The following IQGAP3 variants were observed in gnomAD, a reference collection of about 807,000 sequenced individuals.
The protein encoded by IQGAP3 is ras GTPase-activating-like protein IQGAP3.
IQGAP3 carries 165 observed loss-of-function variants against 208.2 expected under a neutral mutation model. The observed-to-expected ratio is 0.79, with a 90% CI of 0.70 to 0.90. The LOEUF (loss-of-function observed/expected upper bound fraction) is 0.90. IQGAP3 is among the 40% of genes least tolerant of loss of function. The pLI, the probability that IQGAP3 is intolerant of heterozygous loss-of-function variation, is 0.00. For synonymous variants in IQGAP3, 703 were observed against 803.6 expected (o/e 0.87, Z 2.12); for missense variants, 1,811 against 2,043.1 (o/e 0.89, Z 2.19).
At chr1:156,529,479 T>G (rs1323030197) in intron 34 of IQGAP3, among the ~76,000 whole-genome samples, 1 of 152,006 alleles carries the variant, frequency 6.6e-6, no homozygotes, top group African/African-American at 2.4e-5. Flanking sequence ...CCTCTCTAAC[T>G]AATTTCAAGA....
At chr1:156,569,322 T>A (rs1195162253) in intron 2 of IQGAP3, 54 bp downstream of exon 2, 1 of 1,154,664 alleles carries the variant, frequency 8.7e-7, no homozygotes, top group Non-Finnish European at 1.3e-6. Flanking sequence ...ATGCCTAGGG[T>A]GGGGTGGTAG....
chr1:156,556,933 T>TGTAA (rs770984633), intron 11 of IQGAP3, among the ~76,000 whole-genome samples: 1 of 44,986 alleles, frequency 2.2e-5, no homozygotes, highest in African/African-American at 5.5e-5. Flanking sequence ...TAGCTCAGCC[T>TGTAA]CTGCCCCGCC....
chr1:156,539,264 T>A, intron 25 of IQGAP3, 110 bp downstream of exon 25: 1 of 1,083,048 alleles, frequency 9.2e-7, no homozygotes, highest in Non-Finnish European at 1.3e-6. Flanking sequence ...AGAGGTCTTC[T>A]GATTCCATTT....
intron 32 of IQGAP3, 106 bp from the exon 33 acceptor site, chr1:156,531,353 G>T: frequency 1.2e-6 from 1 of 817,766 alleles, no homozygotes; most frequent in Non-Finnish European, 2.1e-6. Flanking sequence ...TCTATAGCAT[G>T]GCTGCTAGGA....
At chr1:156,529,916 C>CAAAAAAAA (rs57536386) in intron 34 of IQGAP3, among the ~76,000 whole-genome samples, 189 bp downstream of exon 34, 14,562 of 67,740 alleles carry the variant, frequency 0.21, 1,772 homozygotes, top group East Asian at 0.41. Flanking sequence ...GAGACTGTCT[C>CAAAAAAAA]AAAAAAAAAA....
chr1:156,570,430 A>C (rs559388187), intron 1 of IQGAP3, among the ~76,000 whole-genome samples: 2 of 152,248 alleles, frequency 1.3e-5, no homozygotes, highest in East Asian at 3.9e-4. Context: ...ACTCCCAGCT[A>C]CTGGGCCTAG....
intron 27 of IQGAP3, 79 bp from the exon 28 acceptor site, chr1:156,535,326 G>GGGGAGAAGAGACAGCCAGGCA: frequency 9.9e-7 from 1 of 1,009,452 alleles, no homozygotes; most frequent in Non-Finnish European, 1.5e-6. Flanking sequence ...TGAGTGCCTG[G>GGGGAGAAGAGACAGCCAGGCA]CTGTCTCTTC....
chr1:156,541,379 C>T (rs999086845), intron 22 of IQGAP3, among the ~76,000 whole-genome samples: 4 of 152,054 alleles, frequency 2.6e-5, no homozygotes, highest in African/African-American at 9.6e-5. Context: ...CTGTACACAC[C>T]GGGAAGGACA....
chr1:156,528,135 C>A, intron 36 of IQGAP3, 75 bp from the exon 37 acceptor site: 1 of 1,114,096 alleles, frequency 9.0e-7, no homozygotes, highest in South Asian at 1.3e-5. Context: ...GCACCCACTG[C>A]TCCTCATCCT....
chr1:156,570,999 G>A (rs1676622912), intron 1 of IQGAP3, among the ~76,000 whole-genome samples: 1 of 152,184 alleles, frequency 6.6e-6, no homozygotes, highest in Non-Finnish European at 1.5e-5. Context: ...CCACTCACTT[G>A]GGATTAAGTG....
At position 156,563,256 on chromosome 1, in the gene IQGAP3, T is replaced by G. The variant is rs770505092; in HGVS notation, c.676A>C (p.Thr226Pro). Reference sequence around the variant, plus strand: ...CTGGGATTCTGCAAGGCAGCCAGGGTGTCCTCCACCACCCCTCGCTCCACT... The same window carrying G: ...CTGGGATTCTGCAAGGCAGCCAGGGGGTCCTCCACCACCCCTCGCTCCACT... ...EAVERGVVED[T>P]LAALQNPSAL... Residue 226 changes from threonine to proline, a missense_variant, in exon 8 of 38, where the codon ACC becomes CCC. Transcript: ENST00000361170. The G allele has an allele frequency of 5.0e-6, 8 of 1,612,200 alleles. No homozygotes were observed. Among genetic ancestry groups the G allele is most frequent in the Non-Finnish European group, 6.8e-6 (8 of 1,178,654 alleles).
chr1:156,538,682 A>G, intron 26 of IQGAP3, 127 bp downstream of exon 26: 1 of 712,478 alleles, frequency 1.4e-6, no homozygotes, highest in East Asian at 2.7e-5. Flanking sequence ...TCATATTTGC[A>G]TAGATCAGCA....
At chr1:156,526,640 G>T in intron 37 of IQGAP3, 41 bp from the exon 38 acceptor site, 2 of 1,383,576 alleles carry the variant, frequency 1.4e-6, no homozygotes, top group South Asian at 1.2e-5. Flanking sequence ...AAGGGCTTCT[G>T]AATGTGGTCC....
At chr1:156,564,915 G>T (rs1483646703) in intron 4 of IQGAP3, among the ~76,000 whole-genome samples, 2 of 152,126 alleles carry the variant, frequency 1.3e-5, no homozygotes, top group Non-Finnish European at 2.9e-5. Flanking sequence ...CAGACACATA[G>T]TCCTAGGGTG....
Position 156,552,093 on chromosome 1 carries a change from T to C in IQGAP3, c.1451A>G (p.Tyr484Cys), listed in dbSNP as rs747025621. 1.9e-6 allele frequency: 3 copies of C among 1,613,798 alleles called. No individual in the cohort carries two copies. The highest frequency in any genetic ancestry group is 1.3e-5 in the African/African-American group (1 of 74,902). ...AEVEGENAQR[Y>C]FDALLKLRQE... is the part of the protein sequence containing the mutation. ...TCGCAATTTCAGCAGGGCATCGAAG[T>C]AACTGGCAGTGGGGTGAAGGGCAGA... Residue 484 changes from tyrosine to cysteine, a missense_variant and splice_region_variant, in exon 14 of 38, where the codon TAC (tyrosine) becomes TGC (cysteine). Transcript: ENST00000361170.
In IQGAP3 at chr1:156,556,617, G is replaced by A. The variant is rs1675831993; in HGVS notation, c.1206C>T (p.Cys402=). The A allele has an allele frequency of 6.2e-7, 1 of 1,612,670 alleles. No homozygotes were observed. Among genetic ancestry groups the A allele is most frequent in the East Asian group, 2.2e-5 (1 of 44,830 alleles). Residue 402 remains cysteine (C), a synonymous_variant, in exon 12 of 38, where the codon TGC becomes TGT. Coordinates refer to ENST00000361170, the MANE Select transcript of IQGAP3 (RefSeq NM_178229.5). ...ACACTGGAGGCAGCTGGGCCTCAGG[G>A]CACATCAGCTCCTTCACAGTGTCAG... ...VAADTVKELM[C]PEAQLPPVYP...
At chr1:156,564,748 C>A in intron 4 of IQGAP3, 57 bp from the exon 5 acceptor site, 1 of 1,182,764 alleles carries the variant, frequency 8.5e-7, no homozygotes, top group Non-Finnish European at 1.3e-6. Context: ...CCACCAAATG[C>A]GGAGAGGGGG....
In IQGAP3 at chr1:156,551,793, A is replaced by G. The variant is rs1438748327; in HGVS notation, c.1646T>C (p.Leu549Pro). The G allele has an allele frequency of 6.2e-7, 1 of 1,614,068 alleles. No homozygotes were observed. Among genetic ancestry groups the G allele is most frequent in the African/African-American group, 1.3e-5 (1 of 75,042 alleles). ...SPEKTLSALL[L>P]PAAGLDDVSL... ...GACATCATCTAGGCCAGCTGCAGGA[A>G]GCAGTAGGGCAGACAGAGTCTTCTC... The change falls in exon 15 of 38, where the codon CTT becomes CCT. Residue 549 changes from leucine to proline, a missense_variant. Physicochemically the swap from Leu to Pro is moderately conservative, Grantham distance 98. Coordinates refer to ENST00000361170, the MANE Select transcript of IQGAP3 (RefSeq NM_178229.5).
chr1:156,554,153 G>T, intron 13 of IQGAP3, 82 bp downstream of exon 13: 1 of 1,470,256 alleles, frequency 6.8e-7, no homozygotes, highest in Non-Finnish European at 9.1e-7. Flanking sequence ...CGTACACAAG[G>T]CAAGTCTCCA....
Sources: allele counts gnomAD v4.1 joint callset (sites outside exome capture counted in the v4.1 genomes callset), GRCh38; gene constraint gnomAD v4.1.1; transcripts MANE v1.5; gene names NCBI Gene and HGNC (gene_info 2026-07-23, HGNC 2026-07-21).